Variants in XKR8 observed in about 807,000 individuals in gnomAD.
XKR8 encodes XK related 8.
XKR8 carries 10 observed loss-of-function variants against 17.1 expected under a neutral mutation model. The ratio of observed to expected loss-of-function variants is 0.59; its 90% CI spans 0.36 to 0.99. The LOEUF (loss-of-function observed/expected upper bound fraction) is 0.99. Ranked by LOEUF, XKR8 falls within the 50% of genes least tolerant of loss-of-function variation. XKR8 has a pLI of 0.01. For missense variants in XKR8, 411 were observed against 515.6 expected (o/e 0.80, Z 1.96); for synonymous variants, 213 against 251.9 (o/e 0.85, Z 1.46).
chr1:27,967,282 T>C lies in XKR8; in HGVS notation c.*82T>C. ...TCTGTTGGCAGAAGGCAGGCGAGGA[T>C]AAGCTAACGATGCTGCTGTGGCCTC... is the stretch of plus-strand genomic sequence containing the variant. On this transcript the variant is annotated 3_prime_UTR_variant, in exon 3 of 3. Coordinates refer to ENST00000373884, the MANE Select transcript of XKR8 (RefSeq NM_018053.4). This position sits in a 1 kb window ranked among gnomAD's most constrained non-coding sequence, Gnocchi z 4.3. The C allele has an allele frequency of 6.9e-7, 1 of 1,442,166 alleles. No individual in the cohort carries two copies. The highest frequency in any genetic ancestry group is 2.5e-4 in the Middle Eastern group (1 of 3,986). The allele number at this position is 1,442,166 out of a possible 1,614,324, so 89.3% of individuals were successfully genotyped here.
Position 27,960,187 on chromosome 1 carries a change from G to A in XKR8, c.118G>A (p.Gly40Ser), listed in dbSNP as rs1351321267. Reference sequence around the variant, plus strand: ...GTGGGCCGCCGTCCAGTATGCGCTCGGCGGCCGCTACCTGTGGGCGGCGCT... The same window carrying A: ...GTGGGCCGCCGTCCAGTATGCGCTCAGCGGCCGCTACCTGTGGGCGGCGCT... Reference protein sequence around the residue: ...DLWAAVQYALGGRYLWAALVL... With the variant: ...DLWAAVQYALSGRYLWAALVL... Residue 40 changes from glycine (G) to serine (S), a missense_variant, in exon 1 of 3, where the codon GGC becomes AGC. By Grantham distance (56) the Gly-to-Ser change is moderately conservative. Transcript: ENST00000373884. The surrounding 1 kb of genome is among the most constrained non-coding windows in gnomAD (Gnocchi z 5.9). The A allele has an allele frequency of 2.0e-6, 3 of 1,526,864 alleles. No individual in the cohort carries two copies. Among genetic ancestry groups the A allele is most frequent in the Non-Finnish European group, 2.6e-6 (3 of 1,143,834 alleles). 94.6% of individuals were successfully genotyped at this position (1,526,864 alleles called of 1,614,324 possible).
In XKR8 at chr1:27,960,400, C is replaced by T. The variant is rs1359331201; in HGVS notation, c.293+38C>T. ...CCCCGGGAGGGGAGGAGTGTCGGAG[C>T]CCAGCACCTCCGTCAGCTGGGTCAC... On this transcript the variant is annotated intron_variant, in intron 1 of 2. Coordinates refer to ENST00000373884, the MANE Select transcript of XKR8 (RefSeq NM_018053.4). The surrounding 1 kb of genome is among the most constrained non-coding windows in gnomAD (Gnocchi z 5.9). 1.5e-6 allele frequency: 2 copies of T among 1,352,180 alleles called. No homozygotes were observed. Among genetic ancestry groups the T allele is most frequent in the Admixed American group, 3.8e-5 (1 of 25,982 alleles). The allele number at this position is 1,352,180 out of a possible 1,614,324, so 83.8% of individuals were successfully genotyped here.
chr1:27,963,439 G>A (rs1638508572), intron 1 of XKR8, 58 bp from the exon 2 acceptor site: 1 of 1,545,210 alleles, frequency 6.5e-7, no homozygotes, highest in African/African-American at 1.4e-5. Context: ...TGGGTGGGAG[G>A]CTGAGGAATT....
At position 27,960,003 on chromosome 1, in the gene XKR8, G is replaced by C. The variant is rs1638428750; in HGVS notation, c.-67G>C. On this transcript the variant is annotated 5_prime_UTR_variant, in exon 1 of 3. Coordinates refer to ENST00000373884, the MANE Select transcript of XKR8 (RefSeq NM_018053.4). This position sits in a 1 kb window ranked among gnomAD's most constrained non-coding sequence, Gnocchi z 5.9. The stretch of plus-strand genomic sequence containing the variant: ...CTGCGCCCACCTCCTTCCTGCCTCG[G>C]CAACCCCGGGCCCTGAGGGCAGGCC... The C allele has an allele frequency of 7.5e-7, 1 of 1,327,938 alleles. No homozygotes were observed. Among genetic ancestry groups the C allele is most frequent in the Non-Finnish European group, 9.6e-7 (1 of 1,038,180 alleles). The allele number at this position is 1,327,938 out of a possible 1,614,324, so 82.3% of individuals were successfully genotyped here.
Position 27,967,196 on chromosome 1 carries a change from G to T in XKR8, c.1184G>T (p.Gly395Val). The change falls in exon 3 of 3, where the codon GGA becomes GTA. Residue 395 changes from glycine to valine, a missense_variant. Coordinates refer to ENST00000373884, the MANE Select transcript of XKR8 (RefSeq NM_018053.4). This position sits in a 1 kb window ranked among gnomAD's most constrained non-coding sequence, Gnocchi z 4.3. ...AKDEAASPVK[G>V] The stretch of plus-strand genomic sequence containing the variant: ...GATGAGGCTGCTTCGCCAGTGAAGG[G>T]ATAGGTGAACGGCGTCCTTTGAAGC... The T allele has an allele frequency of 1.9e-6, 3 of 1,547,252 alleles. No homozygotes were observed. The highest frequency in any genetic ancestry group is 2.6e-6 in the Non-Finnish European group (3 of 1,145,128).
intron 1 of XKR8, among the ~76,000 whole-genome samples, chr1:27,962,491 T>C (rs1019611824): frequency 6.6e-6 from 1 of 151,978 alleles, no homozygotes; most frequent in African/African-American, 2.4e-5. Flanking sequence ...GAGAATCGCT[T>C]GAACCTGGGA....
Position 27,960,009 on chromosome 1 carries a change from C to A in XKR8, c.-61C>A. 7.4e-7 allele frequency: 1 copy of A among 1,342,624 alleles called. No homozygotes were observed. The highest frequency in any genetic ancestry group is 1.5e-5 in the African/African-American group (1 of 64,858). The allele number at this position is 1,342,624 out of a possible 1,614,324, so 83.2% of individuals were successfully genotyped here. ...CCACCTCCTTCCTGCCTCGGCAACC[C>A]CGGGCCCTGAGGGCAGGCCCCAACC... On this transcript the variant is annotated 5_prime_UTR_variant, in exon 1 of 3. Coordinates refer to ENST00000373884, the MANE Select transcript of XKR8 (RefSeq NM_018053.4). The surrounding 1 kb of genome is among the most constrained non-coding windows in gnomAD (Gnocchi z 5.9).
chr1:27,966,560 G>A lies in XKR8; in HGVS notation c.548G>A (p.Arg183Gln), dbSNP rs575511459. 2.1e-5 allele frequency: 34 copies of A among 1,613,888 alleles called. No individual in the cohort carries two copies. Among genetic ancestry groups the A allele is most frequent in the African/African-American group, 5.3e-5 (4 of 74,850 alleles). Residue 183 changes from arginine (R) to glutamine (Q), a missense_variant, in exon 3 of 3, where the codon CGG becomes CAG. Transcript: ENST00000373884. This position sits in a 1 kb window ranked among gnomAD's most constrained non-coding sequence, Gnocchi z 4.3. ...GISWALLDYHRALRTCLPSKP... is the reference protein window; with the variant it reads ...GISWALLDYHQALRTCLPSKP... Reference sequence around the variant, plus strand: ...TCGTGGGCACTGCTCGACTACCACCGGGCCTTGCGCACCTGCCTCCCCTCC... The same window carrying A: ...TCGTGGGCACTGCTCGACTACCACCAGGCCTTGCGCACCTGCCTCCCCTCC...
In XKR8 at chr1:27,966,879, C is replaced by G. The variant is rs577192560; in HGVS notation, c.867C>G (p.Phe289Leu). ...CCCGAGGCCGGGCCATCATCCACTTCGCCTTCCTCCTGAGTGACAGCATTC... is the reference window on the plus strand; with the variant it reads ...CCCGAGGCCGGGCCATCATCCACTTGGCCTTCCTCCTGAGTGACAGCATTC... ...GRTRGRAIIHFAFLLSDSILL... is the reference protein window; with the variant it reads ...GRTRGRAIIHLAFLLSDSILL... Residue 289 changes from phenylalanine (F) to leucine (L), a missense_variant, in exon 3 of 3, where the codon TTC (phenylalanine) becomes TTG (leucine). Physicochemically the swap from Phe to Leu is conservative, Grantham distance 22 (BLOSUM62 0). Coordinates refer to ENST00000373884, the MANE Select transcript of XKR8 (RefSeq NM_018053.4). This position sits in a 1 kb window ranked among gnomAD's most constrained non-coding sequence, Gnocchi z 4.3. 6.2e-7 allele frequency: 1 copy of G among 1,614,094 alleles called. No individual in the cohort carries two copies. Among genetic ancestry groups the G allele is most frequent in the Non-Finnish European group, 8.5e-7 (1 of 1,180,048 alleles).
chr1:27,963,770 CTT>C (rs1638518641), intron 2 of XKR8, 77 bp downstream of exon 2: 1 of 1,388,406 alleles, frequency 7.2e-7, no homozygotes, highest in African/African-American at 1.5e-5. Flanking sequence ...TGTTTTTAGT[CTT>C]TTATAAAGGC....
chr1:27,966,418 G>A lies in XKR8; in HGVS notation c.491-85G>A. 1 of 1,364,496 alleles carries A rather than the reference G, an allele frequency of 7.3e-7. No individual in the cohort carries two copies. The highest frequency in any genetic ancestry group is 1.4e-5 in the South Asian group (1 of 73,240). The allele number at this position is 1,364,496 out of a possible 1,614,324, so 84.5% of individuals were successfully genotyped here. On this transcript the variant is annotated intron_variant, in intron 2 of 2. Transcript: ENST00000373884. This position sits in a 1 kb window ranked among gnomAD's most constrained non-coding sequence, Gnocchi z 4.3. ...TCTAATACCTACCCCAGGGTTGCTGGGAGGGCCCCCACGGTACCTGTGACC... is the reference window on the plus strand; with the variant it reads ...TCTAATACCTACCCCAGGGTTGCTGAGAGGGCCCCCACGGTACCTGTGACC...
chr1:27,967,273 A>G lies in XKR8; in HGVS notation c.*73A>G. Reference sequence around the variant, plus strand: ...GAGAGTGACTCTGTTGGCAGAAGGCAGGCGAGGATAAGCTAACGATGCTGC... The same window carrying G: ...GAGAGTGACTCTGTTGGCAGAAGGCGGGCGAGGATAAGCTAACGATGCTGC... On this transcript the variant is annotated 3_prime_UTR_variant, in exon 3 of 3. Transcript: ENST00000373884. This position sits in a 1 kb window ranked among gnomAD's most constrained non-coding sequence, Gnocchi z 4.3. 6.8e-7 allele frequency: 1 copy of G among 1,476,866 alleles called. No homozygotes were observed. Among genetic ancestry groups the G allele is most frequent in the Non-Finnish European group, 9.1e-7 (1 of 1,104,736 alleles). The allele number at this position is 1,476,866 out of a possible 1,614,324, so 91.5% of individuals were successfully genotyped here.
Position 27,960,175 on chromosome 1 carries a change from C to G in XKR8, c.106C>G (p.Gln36Glu). The change falls in exon 1 of 3, where the codon CAG becomes GAG. Residue 36 changes from glutamine (Q) to glutamate (E), a missense_variant. By Grantham distance (29) the Gln-to-Glu change is conservative (BLOSUM62 2). Coordinates refer to ENST00000373884, the MANE Select transcript of XKR8 (RefSeq NM_018053.4). This position sits in a 1 kb window ranked among gnomAD's most constrained non-coding sequence, Gnocchi z 5.9. ...GGGCACCGACCTGTGGGCCGCCGTC[C>G]AGTATGCGCTCGGCGGCCGCTACCT... ...DLGTDLWAAV[Q>E]YALGGRYLWA... is the part of the protein sequence containing the mutation. 1 of 1,527,582 alleles carries G rather than the reference C, an allele frequency of 6.5e-7. No individual in the cohort carries two copies. Among genetic ancestry groups the G allele is most frequent in the South Asian group, 1.2e-5 (1 of 82,886 alleles). 94.6% of individuals were successfully genotyped at this position (1,527,582 alleles called of 1,614,324 possible). A position where few individuals can be genotyped will look rare whatever the true frequency, so the allele number is the denominator to read the frequency against.
At position 27,965,790 on chromosome 1, in the gene XKR8, C is replaced by T. The variant is rs1247490710; in HGVS notation, c.491-713C>T. 5.9e-5 allele frequency among the ~76,000 whole-genome samples: 9 copies of T among 152,154 alleles called. No homozygotes were observed. Among genetic ancestry groups the T allele is most frequent in the Admixed American group, 5.9e-4 (9 of 15,278 alleles). Reference sequence around the variant, plus strand: ...GTCGAATGACTGCGGTGGACGGGGACAGGGGAGGAAGCAGTCGGGAGACGT... The same window carrying T: ...GTCGAATGACTGCGGTGGACGGGGATAGGGGAGGAAGCAGTCGGGAGACGT... On this transcript the variant is annotated intron_variant, in intron 2 of 2. Coordinates refer to ENST00000373884, the MANE Select transcript of XKR8 (RefSeq NM_018053.4). The surrounding 1 kb of genome is among the most constrained non-coding windows in gnomAD (Gnocchi z 4.1).
At position 27,963,572 on chromosome 1, in the gene XKR8, C is replaced by T. The variant is rs774713315; in HGVS notation, c.369C>T (p.Ala123=). ...CCTCTGAGTTTGACTTGGCCTACGC[C>T]GACTTCCTCGCCCTGGACATCAGCA... ...EEPSEFDLAY[A]DFLALDISML... Residue 123 remains alanine, a synonymous_variant, in exon 2 of 3, where the codon GCC becomes GCT. Coordinates refer to ENST00000373884, the MANE Select transcript of XKR8 (RefSeq NM_018053.4). The T allele has an allele frequency of 1.7e-5, 27 of 1,614,190 alleles. No homozygotes were observed. Among genetic ancestry groups the T allele is most frequent in the African/African-American group, 5.3e-5 (4 of 75,064 alleles).
chr1:27,964,141 T>C (rs1185941600), intron 2 of XKR8: 1 of 148,970 alleles, frequency 6.7e-6, no homozygotes, highest in African/African-American at 2.5e-5. Context: ...TGTATCACCA[T>C]GCTGGCTAAT....
chr1:27,960,147 C>A lies in XKR8; in HGVS notation c.78C>A (p.Asp26Glu). 6.5e-7 allele frequency: 1 copy of A among 1,527,164 alleles called. No individual in the cohort carries two copies. The allele number at this position is 1,527,164 out of a possible 1,614,324, so 94.6% of individuals were successfully genotyped here. ...TGGGCACCGCCGCCTTCCTGCTCGA[C>A]CTGGGCACCGACCTGTGGGCCGCCG... Reference protein sequence around the residue: ...GVLGTAAFLLDLGTDLWAAVQ... With the variant: ...GVLGTAAFLLELGTDLWAAVQ... Residue 26 changes from aspartate to glutamate, a missense_variant, in exon 1 of 3, where the codon GAC (aspartate) becomes GAA (glutamate). Transcript: ENST00000373884. This position sits in a 1 kb window ranked among gnomAD's most constrained non-coding sequence, Gnocchi z 5.9.
chr1:27,960,052 G>C lies in XKR8; in HGVS notation c.-18G>C. On this transcript the variant is annotated 5_prime_UTR_variant, in exon 1 of 3. Coordinates refer to ENST00000373884, the MANE Select transcript of XKR8 (RefSeq NM_018053.4). The surrounding 1 kb of genome is among the most constrained non-coding windows in gnomAD (Gnocchi z 5.9). ...CCCCAACCGCGGAGGAGCAGGAGAG[G>C]GCGGAGGCCGGCGGGCCATGCCCTG... 7.1e-7 allele frequency: 1 copy of C among 1,417,522 alleles called. No individual in the cohort carries two copies. Among genetic ancestry groups the C allele is most frequent in the Non-Finnish European group, 9.2e-7 (1 of 1,091,128 alleles). The allele number at this position is 1,417,522 out of a possible 1,614,324, so 87.8% of individuals were successfully genotyped here. A position where few individuals can be genotyped will look rare whatever the true frequency, so the allele number is the denominator to read the frequency against.
At chr1:27,964,783 G>A (rs1212489209) in intron 2 of XKR8, among the ~76,000 whole-genome samples, 6 of 152,036 alleles carry the variant, frequency 3.9e-5, no homozygotes, top group African/African-American at 1.4e-4. Context: ...CACAGACCTG[G>A]ACAGTGGCCA....
Sources: gnomAD v4.1 joint callset for allele counts (sites outside exome capture counted in the v4.1 genomes callset) on GRCh38, gnomAD v4.1.1 for gene constraint, Gnocchi (gnomAD v3.1) non-coding constraint, MANE v1.5 for transcripts, NCBI Gene and HGNC (gene_info 2026-07-23, HGNC 2026-07-21) for gene names.